The following TTC12 variants were observed in gnomAD, a reference collection of about 807,000 sequenced individuals.
TTC12 encodes tetratricopeptide repeat protein 12.
A neutral mutation model predicts 90.1 loss-of-function variants in TTC12; 70 were observed. The ratio of observed to expected loss-of-function variants is 0.78; its 90% confidence interval spans 0.64 to 0.95. The LOEUF (loss-of-function observed/expected upper bound fraction) is 0.95. Ranked by LOEUF, TTC12 falls within the 40% of genes least tolerant of loss-of-function variation. The pLI, the probability that TTC12 is intolerant of heterozygous loss-of-function variation, is 0.00. For synonymous variants in TTC12, 296 were observed against 311.5 expected (o/e 0.95, Z 0.53); for missense variants, 819 against 846.1 (o/e 0.97, Z 0.40).
chr11:113,365,515 T>C (rs753957590), intron 21 of TTC12: 11 of 208,056 alleles, frequency 5.3e-5, no homozygotes, highest in African/African-American at 1.8e-4. Flanking sequence ...AAGGGTCACA[T>C]GTTCATGCAG....
chr11:113,364,054 T>C (rs1950081336), intron 20 of TTC12, 127 bp downstream of exon 20: 7 of 627,170 alleles, frequency 1.1e-5, no homozygotes, highest in Non-Finnish European at 2.0e-5. Flanking sequence ...ACTTCAGCAA[T>C]GTTTACAGAA....
intron 16 of TTC12, among the ~76,000 whole-genome samples, chr11:113,355,751 T>C (rs1318575553): frequency 6.6e-6 from 1 of 152,250 alleles, no homozygotes; most frequent in Non-Finnish European, 1.5e-5. Context: ...GATCAAGTTA[T>C]TCAATTTCCA....
At chr11:113,338,094 TTG>T (rs869256676) in intron 8 of TTC12, among the ~76,000 whole-genome samples, 1 of 152,182 alleles carries the variant, frequency 6.6e-6, no homozygotes, top group African/African-American at 2.4e-5. Context: ...GTTGTTGTTG[TTG>T]TTTTCTGAGC....
Position 113,344,344 on chromosome 11 carries a change from T to G in TTC12, c.1058T>G (p.Val353Gly), listed in dbSNP as rs782725341. The change falls in exon 13 of 22, where the codon GTC becomes GGC. Residue 353 changes from valine (V) to glycine (G), a missense_variant. Physicochemically the swap from Val to Gly is moderately radical, Grantham distance 109. Coordinates refer to ENST00000529221, the MANE Select transcript of TTC12 (RefSeq NM_017868.4). ...TTGGCCGCCCTCTTGTCCTCCAAGGTCCTGGCCATCCGGCAGCAGAGCTTT... is the reference window on the plus strand; with the variant it reads ...TTGGCCGCCCTCTTGTCCTCCAAGGGCCTGGCCATCCGGCAGCAGAGCTTT... Reference protein sequence around the residue: ...RLLAALLSSKVLAIRQQSFAL... With the variant: ...RLLAALLSSKGLAIRQQSFAL... 6.2e-7 allele frequency: 1 copy of G among 1,614,192 alleles called. No individual in the cohort carries two copies. The highest frequency in any genetic ancestry group is 8.5e-7 in the Non-Finnish European group (1 of 1,180,020).
intron 21 of TTC12, among the ~76,000 whole-genome samples, chr11:113,371,892 T>C (rs2138102793): frequency 6.6e-6 from 1 of 152,316 alleles, no homozygotes; most frequent in South Asian, 2.1e-4. Context: ...ATGATTTCTA[T>C]AAAGCTCTCA....
At chr11:113,323,525 C>T (rs1947482633) in intron 3 of TTC12, 74 bp downstream of exon 3, 7 of 1,018,232 alleles carry the variant, frequency 6.9e-6, no homozygotes, top group Non-Finnish European at 9.5e-6. Flanking sequence ...AGTTTAATCT[C>T]AAACTGTCCA....
At position 113,338,853 on chromosome 11, in the gene TTC12, A is replaced by C. The variant is rs782006805; in HGVS notation, c.637+19A>C. On this transcript the variant is annotated intron_variant, in intron 9 of 21. Coordinates refer to ENST00000529221, the MANE Select transcript of TTC12 (RefSeq NM_017868.4). ...GTGAAAGGTGAGCACGTTCCTGCTG[A>C]GGTCCTTCATCTGAACTCCACCTCC... The C allele has an allele frequency of 6.2e-7, 1 of 1,612,242 alleles. No individual in the cohort carries two copies. Among genetic ancestry groups the C allele is most frequent in the South Asian group, 1.1e-5 (1 of 91,026 alleles).
At chr11:113,314,845 G>A (rs1555134492) in intron 1 of TTC12, 1 of 115,578 alleles carries the variant, frequency 8.7e-6, no homozygotes, top group African/African-American at 4.1e-5. Flanking sequence ...CGCCCGGCGG[G>A]CAGCGCGCGT....
chr11:113,346,523 T>A (rs1948970363), intron 13 of TTC12, among the ~76,000 whole-genome samples: 1 of 152,112 alleles, frequency 6.6e-6, no homozygotes, highest in Admixed American at 6.5e-5. Flanking sequence ...ACCTTCCCTC[T>A]TGCTGCAACT....
At chr11:113,316,391 G>A (rs1946942830) in intron 2 of TTC12, 76 bp downstream of exon 2, 6 of 714,324 alleles carry the variant, frequency 8.4e-6, no homozygotes, top group East Asian at 3.0e-5. Flanking sequence ...TAAGTTCCTG[G>A]GTGGCTTGAC....
intron 16 of TTC12, 75 bp downstream of exon 16, chr11:113,352,282 T>C: frequency 6.3e-7 from 1 of 1,597,498 alleles, no homozygotes; most frequent in Non-Finnish European, 8.5e-7. Context: ...TTATCTGACT[T>C]TTCCAAAAAT....
rs758912853 is a variant in TTC12 at position 113,364,957 on chromosome 11, C to G, written c.1939C>G (p.Leu647Val). Reference protein sequence around the residue: ...NVASSLLKTDLLQVLLKLAGS... With the variant: ...NVASSLLKTDVLQVLLKLAGS... ...TGCGTCTTCCCTGCTAAAGACGGACCTTTTGCAGGTCTTGTTAAAGCTTGC... is the reference window on the plus strand; with the variant it reads ...TGCGTCTTCCCTGCTAAAGACGGACGTTTTGCAGGTCTTGTTAAAGCTTGC... Residue 647 changes from leucine (L) to valine (V), a missense_variant, in exon 21 of 22, where the codon CTT (leucine) becomes GTT (valine). Physicochemically the swap from Leu to Val is conservative, Grantham distance 32 (BLOSUM62 1). Coordinates refer to ENST00000529221, the MANE Select transcript of TTC12 (RefSeq NM_017868.4). 6 of 1,614,022 alleles carry G rather than the reference C, an allele frequency of 3.7e-6. No homozygotes were observed. In the African/African-American group the frequency reaches 8.0e-5, roughly 22 times the overall value.
chr11:113,324,224 A>G (rs748645659), intron 4 of TTC12: 2 of 555,264 alleles, frequency 3.6e-6, no homozygotes. Flanking sequence ...ACCTTTTGTA[A>G]ACTCAATTCA....
chr11:113,330,991 C>T (rs894262202), intron 7 of TTC12, among the ~76,000 whole-genome samples: 1 of 152,142 alleles, frequency 6.6e-6, no homozygotes, highest in East Asian at 1.9e-4. Context: ...AGGACACTTC[C>T]CTAGCAGCAT....
At chr11:113,352,915 T>C (rs1409264506) in intron 16 of TTC12, among the ~76,000 whole-genome samples, 3 of 152,222 alleles carry the variant, frequency 2.0e-5, no homozygotes, top group African/African-American at 4.8e-5. Flanking sequence ...AGTGAACATA[T>C]ATGTGCATGT....
chr11:113,353,731 A>G (rs2138046270), intron 16 of TTC12, among the ~76,000 whole-genome samples: 1 of 152,220 alleles, frequency 6.6e-6, no homozygotes, highest in East Asian at 1.9e-4. Flanking sequence ...TCCTTTCCCC[A>G]TTGCTTGTTT....
At chr11:113,337,098 G>A (rs1357068048) in intron 8 of TTC12, among the ~76,000 whole-genome samples, 10 of 152,122 alleles carry the variant, frequency 6.6e-5, no homozygotes, top group African/African-American at 2.4e-4. Context: ...TTGTAATAAA[G>A]CCAAATAAAA....
chr11:113,320,492 A>T (rs1455924962), intron 2 of TTC12, among the ~76,000 whole-genome samples: 1 of 152,082 alleles, frequency 6.6e-6, no homozygotes, highest in Non-Finnish European at 1.5e-5. Flanking sequence ...CCAGGGGAAG[A>T]TCATCTTTCC....
chr11:113,355,664 G>C (rs1555152214), intron 16 of TTC12, among the ~76,000 whole-genome samples: 2 of 152,096 alleles, frequency 1.3e-5, no homozygotes. Context: ...CTGGTATGTT[G>C]TATCTTTGTT....
Sources: allele counts gnomAD v4.1 joint callset (sites outside exome capture counted in the v4.1 genomes callset), GRCh38; gene constraint gnomAD v4.1.1; transcripts MANE v1.5; gene names NCBI Gene and HGNC (gene_info 2026-07-23, HGNC 2026-07-21).